CCSER1: variants seen among roughly 807,000 people sequenced by gnomAD.
CCSER1 encodes the protein coiled-coil serine rich protein 1, also known as serine-rich coiled-coil domain-containing protein 1.
A neutral mutation model predicts 82.0 loss-of-function variants in CCSER1; 41 were observed. The observed-to-expected ratio is 0.50, with a 90% CI of 0.39 to 0.65. The LOEUF (loss-of-function observed/expected upper bound fraction) is 0.65, where lower values mean the gene tolerates loss of function less well. CCSER1 is among the 30% of genes least tolerant of loss of function. The pLI is 0.00. For missense variants in CCSER1, 1,119 were observed against 1,064.2 expected, an observed-to-expected ratio of 1.05 and a Z score of -0.72; for synonymous variants, 414 against 383.9, an observed-to-expected ratio of 1.08 and a Z score of -0.92.
chr4:90,199,999 T>C (rs1737354722), intron 1 of CCSER1, among the ~76,000 whole-genome samples: 1 of 151,810 alleles, frequency 6.6e-6, no homozygotes, highest in South Asian at 2.1e-4. Context: ...CATTACATTA[T>C]TAACATTTCC....
chr4:91,216,844 C>G (rs1309520405), intron 10 of CCSER1, among the ~76,000 whole-genome samples: 2 of 152,120 alleles, frequency 1.3e-5, no homozygotes, highest in African/African-American at 4.8e-5. Context: ...GCTTGGATTT[C>G]ATCTTATTAT....
chr4:91,190,560 G>A (rs1016938170), intron 10 of CCSER1, among the ~76,000 whole-genome samples: 1 of 152,070 alleles, frequency 6.6e-6, no homozygotes, highest in Non-Finnish European at 1.5e-5. Flanking sequence ...CTTTCAGGAT[G>A]ATGTATTTTA....
At chr4:90,240,491 C>T (rs1746633269) in intron 1 of CCSER1, among the ~76,000 whole-genome samples, 1 of 152,148 alleles carries the variant, frequency 6.6e-6, no homozygotes. Flanking sequence ...TCCTGTGTCA[C>T]CAGAAGTCAT....
In CCSER1 at chr4:90,521,360, A is replaced by G. The variant is rs543544570; in HGVS notation, c.1724+53006A>G. 2.6e-5 allele frequency among the ~76,000 whole-genome samples: 4 copies of G among 152,324 alleles called. No homozygotes were observed. The South Asian group carries it at 8.3e-4, about 32-fold the overall frequency. ...CATTTGTTTGTCGGAAAGGGTAGGT[A>G]GAGTAAGCATTGAGATTTAAGAATT... On this transcript the variant is annotated intron_variant, in intron 5 of 10. Coordinates refer to ENST00000509176, the MANE Select transcript of CCSER1 (RefSeq NM_001145065.2).
At chr4:90,688,370 C>T (rs1436893954) in intron 6 of CCSER1, among the ~76,000 whole-genome samples, 1 of 151,988 alleles carries the variant, frequency 6.6e-6, no homozygotes, top group African/African-American at 2.4e-5. Flanking sequence ...TCATAAAACA[C>T]AAAACACTGT....
chr4:90,266,912 A>G (rs1426538947), intron 1 of CCSER1, among the ~76,000 whole-genome samples: 1 of 151,854 alleles, frequency 6.6e-6, no homozygotes, highest in Non-Finnish European at 1.5e-5. Context: ...GAGCAAGTGG[A>G]CTTGGGGGCT....
At chr4:91,591,402 A>G (rs1290433489) in intron 10 of CCSER1, among the ~76,000 whole-genome samples, 2 of 152,042 alleles carry the variant, frequency 1.3e-5, no homozygotes, top group Admixed American at 1.3e-4. Context: ...ATTTGTAATT[A>G]ATTAAATTAA....
At chr4:90,164,709 C>T (rs969387144) in intron 1 of CCSER1, among the ~76,000 whole-genome samples, 1 of 152,084 alleles carries the variant, frequency 6.6e-6, no homozygotes, top group African/African-American at 2.4e-5. Flanking sequence ...GAAGCAGCTA[C>T]TGTGTTGAAT....
At chr4:91,597,042 G>C (rs1764614461) in intron 10 of CCSER1, among the ~76,000 whole-genome samples, 1 of 152,018 alleles carries the variant, frequency 6.6e-6, no homozygotes, top group African/African-American at 2.4e-5. Flanking sequence ...TGAGGCATCA[G>C]CTCATATTAC....
chr4:91,493,284 ACTCAT>A (rs1418644448), intron 10 of CCSER1, among the ~76,000 whole-genome samples: 3 of 151,826 alleles, frequency 2.0e-5, no homozygotes, highest in Non-Finnish European at 2.9e-5. Flanking sequence ...TGAGACTATA[ACTCAT>A]CTCATTTATC....
At chr4:91,005,551 A>C (rs941509708) in intron 9 of CCSER1, among the ~76,000 whole-genome samples, 2 of 152,150 alleles carry the variant, frequency 1.3e-5, no homozygotes, top group Non-Finnish European at 2.9e-5. Context: ...GGTAATAATC[A>C]CATAATATGA....
chr4:90,915,045 T>C (rs985388130), intron 8 of CCSER1, among the ~76,000 whole-genome samples: 71 of 152,138 alleles, frequency 4.7e-4, no homozygotes, highest in Non-Finnish European at 1.9e-4. Context: ...CCAAAAAAAG[T>C]CCTGGACCAG....
At chr4:90,940,735 T>C (rs770493798) in intron 9 of CCSER1, among the ~76,000 whole-genome samples, 5 of 152,158 alleles carry the variant, frequency 3.3e-5, no homozygotes, top group Non-Finnish European at 7.4e-5. Flanking sequence ...CTCACAGTTA[T>C]TAATTCAAAA....
intron 7 of CCSER1, among the ~76,000 whole-genome samples, chr4:90,761,783 T>A (rs1034195501): frequency 2.3e-4 from 35 of 152,230 alleles, no homozygotes; most frequent in Admixed American, 3.9e-4. Flanking sequence ...GAATGGACTC[T>A]TTTTCCTTCT....
chr4:90,236,372 G>C (rs1056629929), intron 1 of CCSER1, among the ~76,000 whole-genome samples: 5 of 152,136 alleles, frequency 3.3e-5, no homozygotes, highest in Non-Finnish European at 5.9e-5. Flanking sequence ...TTCTATGCCA[G>C]ATGCTTACAA....
chr4:90,381,415 C>T (rs1034284359), intron 3 of CCSER1, among the ~76,000 whole-genome samples: 1 of 151,992 alleles, frequency 6.6e-6, no homozygotes, highest in East Asian at 1.9e-4. Flanking sequence ...AAAACAACAG[C>T]TTTGTAAAAA....
At chr4:91,113,170 A>G (rs1726231498) in intron 10 of CCSER1, among the ~76,000 whole-genome samples, 1 of 152,194 alleles carries the variant, frequency 6.6e-6, no homozygotes. Context: ...TTATATCTTT[A>G]CAATCTTCAG....
chr4:90,948,433 CTTG>C (rs900079758), intron 9 of CCSER1, among the ~76,000 whole-genome samples: 1 of 151,704 alleles, frequency 6.6e-6, no homozygotes, highest in Non-Finnish European at 1.5e-5. Flanking sequence ...TACATATTTT[CTTG>C]TTCTCAATTT....
At chr4:91,027,492 A>G (rs1561483041) in intron 9 of CCSER1, among the ~76,000 whole-genome samples, 1 of 152,076 alleles carries the variant, frequency 6.6e-6, no homozygotes. Context: ...CAATAAAGAC[A>G]GTATATATGT....
Sources: gnomAD v4.1 joint callset for allele counts (sites outside exome capture counted in the v4.1 genomes callset) on GRCh38, gnomAD v4.1.1 for gene constraint, MANE v1.5 for transcripts, NCBI Gene and HGNC (gene_info 2026-07-23, HGNC 2026-07-21) for gene names.